Variants in TXK observed in about 807,000 individuals in gnomAD.
The protein encoded by TXK is tyrosine-protein kinase TXK.
TXK carries 60 observed loss-of-function variants against 81.0 expected under a neutral mutation model. The observed-to-expected ratio is 0.74, with a 90% CI of 0.60 to 0.92. The LOEUF is 0.92. Ranked by LOEUF, TXK falls within the 40% of genes least tolerant of loss-of-function variation. The pLI is 0.00. For synonymous variants in TXK, 203 were observed against 210.7 expected, an observed-to-expected ratio of 0.96 and a Z score of 0.32; for missense variants, 581 against 638.3, an observed-to-expected ratio of 0.91 and a Z score of 0.97.
At chr4:48,091,705 A>T (rs915747191) in intron 8 of TXK, among the ~76,000 whole-genome samples, 3 of 152,072 alleles carry the variant, frequency 2.0e-5, no homozygotes, top group Admixed American at 6.6e-5. Context: ...GGGTTTCACC[A>T]TGTTGGCCAG....
intron 1 of TXK, among the ~76,000 whole-genome samples, chr4:48,129,290 A>G (rs1327116345): frequency 6.6e-6 from 1 of 152,208 alleles, no homozygotes; most frequent in Non-Finnish European, 1.5e-5. Flanking sequence ...TAGTTTTTCT[A>G]AATGTATGGA....
At chr4:48,085,269 C>T (rs1717475859) in intron 10 of TXK, among the ~76,000 whole-genome samples, 2 of 152,094 alleles carry the variant, frequency 1.3e-5, no homozygotes, top group African/African-American at 2.4e-5. Context: ...GCTCTGGACC[C>T]TTATGTCCTC....
intron 5 of TXK, among the ~76,000 whole-genome samples, chr4:48,109,012 C>A: frequency 6.6e-6 from 1 of 152,076 alleles, no homozygotes; most frequent in Admixed American, 6.6e-5. Context: ...GAAAAAAAGT[C>A]TCATTTTTCT....
At chr4:48,077,555 C>A (rs1444108418) in intron 11 of TXK, among the ~76,000 whole-genome samples, 2 of 151,632 alleles carry the variant, frequency 1.3e-5, no homozygotes, top group Non-Finnish European at 2.9e-5. Flanking sequence ...CTGTGAGAAG[C>A]CATTTAGAGC....
At chr4:48,070,296 A>C (rs1027475464) in intron 14 of TXK, among the ~76,000 whole-genome samples, 2 of 152,222 alleles carry the variant, frequency 1.3e-5, no homozygotes, top group African/African-American at 4.8e-5. Flanking sequence ...TAAGCTTGGC[A>C]TTTCAACAAA....
intron 3 of TXK, among the ~76,000 whole-genome samples, chr4:48,112,943 C>G (rs1451755656): frequency 6.6e-6 from 1 of 152,026 alleles, no homozygotes; most frequent in African/African-American, 2.4e-5. Context: ...TTAATCTCAG[C>G]CTCAAAATGA....
intron 1 of TXK, among the ~76,000 whole-genome samples, chr4:48,115,289 G>A (rs888983606): frequency 6.6e-6 from 1 of 152,100 alleles, no homozygotes; most frequent in African/African-American, 2.4e-5. Context: ...TTATGAGTGA[G>A]AATATGCAGT....
intron 10 of TXK, among the ~76,000 whole-genome samples, chr4:48,084,864 GAGAATGGGTCCAGTTAATC>G (rs1717453883): frequency 2.0e-5 from 3 of 152,046 alleles, no homozygotes; most frequent in Non-Finnish European, 4.4e-5. Context: ...CCAGTTAATC[GAGAATGGGTCCAGTTAATC>G]GAGAATGGGT....
chr4:48,112,387 A>T lies in TXK; in HGVS notation c.300T>A (p.Asn100Lys), dbSNP rs369849027. 1 of 1,614,010 alleles carries T rather than the reference A, an allele frequency of 6.2e-7. No homozygotes were observed. Among genetic ancestry groups the T allele is most frequent in the African/African-American group, 1.3e-5 (1 of 74,888 alleles). ...LYDFLPREPC[N>K]LALRRAEEYL... The stretch of plus-strand genomic sequence containing the variant: ...ATTCTTCTGCTCTCCTTAAGGCTAA[A>T]TTACAGGGTTCTCTGGGCAGAAAAT... Residue 100 changes from asparagine to lysine, a missense_variant, in exon 4 of 15, where the codon AAT (asparagine) becomes AAA (lysine). Coordinates refer to ENST00000264316, the MANE Select transcript of TXK (RefSeq NM_003328.3).
intron 10 of TXK, among the ~76,000 whole-genome samples, chr4:48,082,898 C>T (rs1717364795): frequency 6.6e-6 from 1 of 152,142 alleles, no homozygotes; most frequent in African/African-American, 2.4e-5. Context: ...CATCTTCCTA[C>T]CCCATCATCC....
At chr4:48,110,792 T>C (rs1560358175) in intron 4 of TXK, among the ~76,000 whole-genome samples, 189 bp from the exon 5 acceptor site, 2 of 152,236 alleles carry the variant, frequency 1.3e-5, no homozygotes, top group African/African-American at 4.8e-5. Context: ...AAGGAATGTA[T>C]TAAGATGCCA....
intron 6 of TXK, among the ~76,000 whole-genome samples, chr4:48,102,986 G>A (rs1281029883): frequency 6.6e-6 from 1 of 151,950 alleles, no homozygotes; most frequent in Non-Finnish European, 1.5e-5. Flanking sequence ...ATTGCCTCTA[G>A]GGAATGAGAG....
chr4:48,132,399 C>T (rs1719267719), intron 1 of TXK, among the ~76,000 whole-genome samples: 1 of 152,104 alleles, frequency 6.6e-6, no homozygotes, highest in African/African-American at 2.4e-5. Flanking sequence ...TCTTAAAGCA[C>T]CTCTCAGGTT....
Position 48,104,593 on chromosome 4 carries a change from T to G in TXK, c.501+308A>C, listed in dbSNP as rs142593609. 1.9e-3 allele frequency among the ~76,000 whole-genome samples: 80 copies of G among 42,292 alleles called. 16 individuals carry two copies. Among genetic ancestry groups the G allele is most frequent in the Non-Finnish European group, 2.9e-3 (53 of 17,976 alleles). The allele number at this position is 42,292 out of a possible 152,430, so 27.7% of individuals were successfully genotyped here. On this transcript the variant is annotated intron_variant, in intron 6 of 14. Coordinates refer to ENST00000264316, the MANE Select transcript of TXK (RefSeq NM_003328.3). ...ATATAATATATATATTATATATATA[T>G]ATAGAGAGAGAGAGAGAGAGAGAGT...
chr4:48,111,030 A>G (rs1010203114), intron 4 of TXK, among the ~76,000 whole-genome samples: 1 of 152,248 alleles, frequency 6.6e-6, no homozygotes, highest in African/African-American at 2.4e-5. Context: ...ATCCTTGAAC[A>G]CGCCTTCTTG....
At chr4:48,101,640 GA>G (rs1428668861) in intron 6 of TXK, among the ~76,000 whole-genome samples, 3 of 151,572 alleles carry the variant, frequency 2.0e-5, no homozygotes, top group African/African-American at 7.3e-5. Flanking sequence ...AAGATACATA[GA>G]AAAAATATGT....
At chr4:48,126,391 T>C (rs571467930) in intron 1 of TXK, among the ~76,000 whole-genome samples, 2 of 152,238 alleles carry the variant, frequency 1.3e-5, no homozygotes, top group Non-Finnish European at 2.9e-5. Context: ...AAATACGTGT[T>C]GATCAACATT....
chr4:48,068,016 C>T (rs1448006050), intron 14 of TXK, among the ~76,000 whole-genome samples: 3 of 152,008 alleles, frequency 2.0e-5, no homozygotes, highest in African/African-American at 7.2e-5. Flanking sequence ...TTGAGTGAGG[C>T]GTGAATATGA....
Position 48,114,358 on chromosome 4 carries a change from C to T in TXK, c.61G>A (p.Val21Met), listed in dbSNP as rs1718735039. 3 of 1,614,050 alleles carry T rather than the reference C, an allele frequency of 1.9e-6. No homozygotes were observed. The highest frequency in any genetic ancestry group is 2.5e-6 in the Non-Finnish European group (3 of 1,179,980). Residue 21 changes from valine (V) to methionine (M), a missense_variant, in exon 2 of 15, where the codon GTG becomes ATG. Physicochemically the swap from Val to Met is conservative, Grantham distance 21 (BLOSUM62 1). Coordinates refer to ENST00000264316, the MANE Select transcript of TXK (RefSeq NM_003328.3). ...SVFCCCCCCS[V>M]QKRQMRTQIS... ...CGGAAGTAGACTTACCGCTTCTGCACTGAACAGCAACAGCAGCAACAGAAA... is the reference window on the plus strand; with the variant it reads ...CGGAAGTAGACTTACCGCTTCTGCATTGAACAGCAACAGCAGCAACAGAAA...
Sources: gnomAD v4.1 joint callset for allele counts (sites outside exome capture counted in the v4.1 genomes callset) on GRCh38, gnomAD v4.1.1 for gene constraint, MANE v1.5 for transcripts, NCBI Gene and HGNC (gene_info 2026-07-23, HGNC 2026-07-21) for gene names.